The following LYST variants were observed in gnomAD, a reference collection of about 807,000 sequenced individuals.
The protein encoded by LYST is lysosomal-trafficking regulator.
Under a neutral mutation model 413.6 loss-of-function variants are expected in LYST, and 192 were observed. The observed-to-expected ratio is 0.46, with a 90% CI of 0.41 to 0.52. The LOEUF (loss-of-function observed/expected upper bound fraction) is 0.52. Among genes scored for constraint, LYST ranks in the 20% least tolerant of loss-of-function variants. LYST has a pLI of 0.00. For synonymous variants in LYST, 1,525 were observed against 1,567.3 expected (o/e 0.97, Z 0.64); for missense variants, 3,815 against 4,499.9 (o/e 0.85, Z 4.35).
intron 19 of LYST, among the ~76,000 whole-genome samples, chr1:235,771,167 C>T (rs138044918): frequency 1.7e-3 from 255 of 152,132 alleles, no homozygotes; most frequent in Non-Finnish European, 2.5e-3. Context: ...CAAAGCCACA[C>T]GAAAACCAGC....
chr1:235,787,857 G>C (rs1305713703), intron 13 of LYST, among the ~76,000 whole-genome samples: 1 of 152,030 alleles, frequency 6.6e-6, no homozygotes, highest in Non-Finnish European at 1.5e-5. Context: ...ATACTGGTTT[G>C]TTTAGATTTG....
chr1:235,770,200 T>C lies in LYST; in HGVS notation c.5882A>G (p.Gln1961Arg). The C allele has an allele frequency of 6.2e-7, 1 of 1,613,196 alleles. No individual in the cohort carries two copies. The highest frequency in any genetic ancestry group is 1.1e-5 in the South Asian group (1 of 91,060). The stretch of plus-strand genomic sequence containing the variant: ...AGTCAGTAGAAAGTGATGAACCACT[T>C]GAGCTTTCAATAACTGCTTAATATT... Reference protein sequence around the residue: ...MFNIKQLLKAQVVHHFLLTCQ... With the variant: ...MFNIKQLLKARVVHHFLLTCQ... Residue 1961 changes from glutamine to arginine, a missense_variant, in exon 20 of 53, where the codon CAA (glutamine) becomes CGA (arginine). Coordinates refer to ENST00000389793, the MANE Select transcript of LYST (RefSeq NM_000081.4).
At chr1:235,865,917 A>G (rs1047876605) in intron 1 of LYST, among the ~76,000 whole-genome samples, 6 of 152,238 alleles carry the variant, frequency 3.9e-5, no homozygotes, top group African/African-American at 1.4e-4. Flanking sequence ...AACGCATTCA[A>G]CACAAGATTC....
At chr1:235,832,594 TCTCA>T (rs150672439) in intron 2 of LYST, among the ~76,000 whole-genome samples, 35 of 152,282 alleles carry the variant, frequency 2.3e-4, no homozygotes, top group African/African-American at 7.2e-4. Context: ...TCACATGAGC[TCTCA>T]CTCTTTAATA....
At chr1:235,827,009 G>C (rs1334016149) in intron 3 of LYST, among the ~76,000 whole-genome samples, 1 of 152,070 alleles carries the variant, frequency 6.6e-6, no homozygotes, top group African/African-American at 2.4e-5. Context: ...CACATTATCT[G>C]TGCACTTACT....
At chr1:235,736,992 A>C (rs1464000638) in intron 31 of LYST, 1 of 152,176 alleles carries the variant, frequency 6.6e-6, no homozygotes, top group Non-Finnish European at 1.5e-5. Context: ...AACAAAATTA[A>C]GCAAACAAAC....
chr1:235,834,720 T>C (rs569836310), intron 1 of LYST, among the ~76,000 whole-genome samples: 1 of 152,242 alleles, frequency 6.6e-6, no homozygotes, highest in African/African-American at 2.4e-5. Flanking sequence ...CATCCCTTCC[T>C]GATGGGTGCA....
At chr1:235,859,699 T>C (rs528721264) in intron 1 of LYST, among the ~76,000 whole-genome samples, 197 of 152,330 alleles carry the variant, frequency 1.3e-3, no homozygotes, top group Non-Finnish European at 2.2e-3. Context: ...AAGCCTGCTT[T>C]GATTCCTCCC....
Position 235,687,029 on chromosome 1 carries a change from C to G in LYST, c.10720G>C (p.Val3574Leu). ...GTAAACAGCTGGCAACTGTCAGGCA[C>G]CCAAGCACAACTAGTCACCTTTGAA... ...QQYQVTSCAW[V>L]PDSCQLFTGS... Residue 3574 changes from valine (V) to leucine (L), a missense_variant, in exon 48 of 53, where the codon GTG becomes CTG. Physicochemically the swap from Val to Leu is conservative, Grantham distance 32 (BLOSUM62 1). Coordinates refer to ENST00000389793, the MANE Select transcript of LYST (RefSeq NM_000081.4). 6.2e-7 allele frequency: 1 copy of G among 1,613,464 alleles called. No homozygotes were observed. The highest frequency in any genetic ancestry group is 8.5e-7 in the Non-Finnish European group (1 of 1,179,554).
chr1:235,751,062 A>G (rs770489247), intron 28 of LYST, 148 bp downstream of exon 28: 18 of 744,106 alleles, frequency 2.4e-5, no homozygotes, highest in Non-Finnish European at 3.7e-5. Context: ...CACTAAAAGT[A>G]AGGAGCAGAA....
At chr1:235,678,509 A>G (rs896437788) in intron 48 of LYST, among the ~76,000 whole-genome samples, 2 of 152,178 alleles carry the variant, frequency 1.3e-5, no homozygotes, top group Non-Finnish European at 2.9e-5. Flanking sequence ...AGATGTCCAC[A>G]CAGGGTTTGA....
chr1:235,843,944 T>C (rs769270140), intron 1 of LYST, among the ~76,000 whole-genome samples: 9 of 152,178 alleles, frequency 5.9e-5, no homozygotes, highest in South Asian at 2.1e-4. Flanking sequence ...CTCAATTCAA[T>C]AGTATTAGAG....
intron 42 of LYST, among the ~76,000 whole-genome samples, chr1:235,714,696 C>G (rs182363139): frequency 9.8e-5 from 15 of 152,288 alleles, no homozygotes; most frequent in Non-Finnish European, 1.5e-5. Context: ...TCCAGTCTGT[C>G]ACTTAAAATG....
At position 235,734,640 on chromosome 1, in the gene LYST, A is replaced by T. The variant is rs1192576321; in HGVS notation, c.8378T>A (p.Leu2793Ter). ...PSLQHGAKLV[L>*]YLSELIHNHQ... is the part of the protein sequence containing the mutation. ...ATTATGTATCAACTCTGACAAATAC[A>T]AAACTAACTTGGCTCCATGCTTTAA... is the stretch of plus-strand genomic sequence containing the variant. The change falls in exon 32 of 53, where the codon TTG becomes TAG. Residue 2793 changes from leucine to a stop codon, truncating the protein, a stop_gained. Transcript: ENST00000389793. LOFTEE classifies it high-confidence loss of function. 6.2e-7 allele frequency: 1 copy of T among 1,609,640 alleles called. No individual in the cohort carries two copies. The highest frequency in any genetic ancestry group is 1.3e-5 in the African/African-American group (1 of 74,892).
intron 27 of LYST, among the ~76,000 whole-genome samples, chr1:235,751,666 A>G (rs922120370): frequency 2.0e-5 from 3 of 152,128 alleles, no homozygotes; most frequent in Non-Finnish European, 4.4e-5. Flanking sequence ...GGCAATTATC[A>G]TATTTTTTGT....
At chr1:235,874,330 T>A (rs1043217319) in intron 1 of LYST, among the ~76,000 whole-genome samples, 2 of 152,208 alleles carry the variant, frequency 1.3e-5, no homozygotes, top group Non-Finnish European at 2.9e-5. Flanking sequence ...GGCTTTGGAA[T>A]GAAAGACATT....
rs1266965849 is a variant in LYST at position 235,720,757 on chromosome 1, C to T, written c.9464G>A (p.Arg3155Gln). Residue 3155 changes from arginine (R) to glutamine (Q), a missense_variant, in exon 40 of 53, where the codon CGA becomes CAA. Around this residue, in one of 4 missense-constraint regions of LYST, gnomAD observed 866 missense variants for 1,156.0 expected, o/e 0.75. Transcript: ENST00000389793. Reference sequence around the variant, plus strand: ...ATACTGCATGAGATCATTGAAGGATCGGCCAGCATGTTTGTTTAAGTGAGT... The same window carrying T: ...ATACTGCATGAGATCATTGAAGGATTGGCCAGCATGTTTGTTTAAGTGAGT... ...YLTHLNKHAG[R>Q]SFNDLMQYPV... 11 of 1,613,938 alleles carry T rather than the reference C, an allele frequency of 6.8e-6. No homozygotes were observed. The highest frequency in any genetic ancestry group is 3.3e-5 in the Admixed American group (2 of 60,006).
intron 38 of LYST, among the ~76,000 whole-genome samples, chr1:235,726,797 T>C (rs1232043215): frequency 2.0e-5 from 3 of 151,406 alleles, no homozygotes; most frequent in Non-Finnish European, 4.4e-5. Flanking sequence ...ATTCGACAGA[T>C]GGACTCAGAC....
At chr1:235,750,701 T>C (rs556174715) in intron 28 of LYST, among the ~76,000 whole-genome samples, 1 of 152,320 alleles carries the variant, frequency 6.6e-6, no homozygotes, top group African/African-American at 2.4e-5. Flanking sequence ...TTTGATGACA[T>C]TCTTCCTTAT....
Sources: gnomAD v4.1 joint callset for allele counts (sites outside exome capture counted in the v4.1 genomes callset) on GRCh38, gnomAD v4.1.1 for gene constraint, gnomAD v4.1.1 regional missense constraint, MANE v1.5 for transcripts, NCBI Gene and HGNC (gene_info 2026-07-23, HGNC 2026-07-21) for gene names.